Variants in KRT72 observed in about 807,000 individuals in gnomAD.
The protein encoded by KRT72 is keratin, type II cytoskeletal 72.
Under a neutral mutation model 44.7 loss-of-function variants are expected in KRT72, and 44 were observed. That is an observed-to-expected ratio of 0.98 (90% confidence interval 0.77 to 1.27). The LOEUF is 1.27. Among genes scored for constraint, KRT72 ranks in the 50% most tolerant of loss-of-function variants. The pLI is 0.00. For missense variants in KRT72, 736 were observed against 667.1 expected (o/e 1.10, Z -1.14); for synonymous variants, 302 against 280.4 (o/e 1.08, Z -0.77).
chr12:52,589,001 A>AATAT (rs71092771), intron 6 of KRT72, among the ~76,000 whole-genome samples: 4 of 149,172 alleles, frequency 2.7e-5, no homozygotes, highest in African/African-American at 7.4e-5. Flanking sequence ...ATCCATCTCA[A>AATAT]ATATATATAT....
chr12:52,593,688 GA>G (rs35814847), intron 2 of KRT72, among the ~76,000 whole-genome samples: 2 of 152,032 alleles, frequency 1.3e-5, no homozygotes, highest in Non-Finnish European at 2.9e-5. Context: ...GACTTAGAAA[GA>G]AAAAAAATTC....
At chr12:52,594,397 G>A (rs112724050) in intron 2 of KRT72, among the ~76,000 whole-genome samples, 108 of 151,426 alleles carry the variant, frequency 7.1e-4, no homozygotes, top group African/African-American at 2.3e-3. Flanking sequence ...AAGAAAATGC[G>A]GCACATCTAC....
chr12:52,586,638 C>T, intron 8 of KRT72, among the ~76,000 whole-genome samples: 1 of 152,196 alleles, frequency 6.6e-6, no homozygotes, highest in East Asian at 1.9e-4. Context: ...CCCTCAATTC[C>T]CCTTAACTGC....
At chr12:52,591,417 G>T (rs778450197) in intron 5 of KRT72, 47 bp downstream of exon 5, 3 of 1,586,858 alleles carry the variant, frequency 1.9e-6, no homozygotes, top group Admixed American at 1.7e-5. Context: ...TACTGAGAGG[G>T]TGCTAGCTGT....
At chr12:52,588,585 T>A in intron 6 of KRT72, among the ~76,000 whole-genome samples, 1 of 146,098 alleles carries the variant, frequency 6.8e-6, no homozygotes, top group African/African-American at 2.8e-5. Context: ...GGTTGATAGG[T>A]GATGGGTTGA....
chr12:52,592,067 G>A (rs1321662527), intron 4 of KRT72, among the ~76,000 whole-genome samples: 1 of 152,036 alleles, frequency 6.6e-6, no homozygotes, highest in East Asian at 1.9e-4. Flanking sequence ...CACTGAAATC[G>A]TCCTCTTTCT....
At chr12:52,593,622 T>G (rs1940133856) in intron 2 of KRT72, among the ~76,000 whole-genome samples, 1 of 152,180 alleles carries the variant, frequency 6.6e-6, no homozygotes. Context: ...TAAGAAATAA[T>G]TAATGCTAAA....
chr12:52,586,018 C>G lies in KRT72; in HGVS notation c.1500G>C (p.Ser500=). The change falls in exon 9 of 9, where the codon TCG becomes TCC. Residue 500 remains serine, a synonymous_variant. Transcript: ENST00000293745. ...SELKDPLAKT[S]GSSCATKKAS... is the part of the protein sequence containing the mutation. ...CCTTTTTGGTGGCACAGCTGCTCCC[C>G]GAGGTTTTGGCAAGGGGATCCTTGA... The G allele has an allele frequency of 6.2e-7, 1 of 1,613,966 alleles. No homozygotes were observed. Among genetic ancestry groups the G allele is most frequent in the Non-Finnish European group, 8.5e-7 (1 of 1,179,938 alleles).
intron 2 of KRT72, among the ~76,000 whole-genome samples, chr12:52,598,421 G>A (rs615235): frequency 0.8 from 121,341 of 152,232 alleles, 49,194 homozygotes; most frequent in African/African-American, 0.95. Flanking sequence ...ACTTGGAGGA[G>A]GACACAACCT....
Position 52,587,990 on chromosome 12 carries a change from A to T in KRT72, c.1090-139T>A, listed in dbSNP as rs1939848349. 84 of 787,096 alleles carry T rather than the reference A, an allele frequency of 1.1e-4. 1 individual carries two copies. The South Asian group carries it at 1.4e-3, about 13-fold the overall frequency. The allele number at this position is 787,096 out of a possible 1,614,324, so 48.8% of individuals were successfully genotyped here. A position where few individuals can be genotyped will look rare whatever the true frequency, so the allele number is the denominator to read the frequency against. On this transcript the variant is annotated intron_variant, in intron 6 of 8. Transcript: ENST00000293745. ...GGTTTATCCAACTTTGGCCATCCCT[A>T]GAGGTGAGTCTGTCCTTCCCCTAAC...
intron 2 of KRT72, among the ~76,000 whole-genome samples, chr12:52,593,158 C>G (rs1940113383): frequency 6.6e-6 from 1 of 152,212 alleles, no homozygotes; most frequent in African/African-American, 2.4e-5. Context: ...CCTGTGCATT[C>G]TGTCTTAAAA....
chr12:52,588,297 A>AAT (rs1487602910), intron 6 of KRT72, among the ~76,000 whole-genome samples: 3 of 152,378 alleles, frequency 2.0e-5, no homozygotes, highest in African/African-American at 7.2e-5. Flanking sequence ...CCTATTAATA[A>AAT]ATTGTCCTAT....
chr12:52,599,631 C>T (rs1415571832), intron 1 of KRT72, among the ~76,000 whole-genome samples: 1 of 152,202 alleles, frequency 6.6e-6, no homozygotes, highest in African/African-American at 2.4e-5. Flanking sequence ...CCCTCTGCCA[C>T]ACACCAGCAT....
chr12:52,591,014 C>A, intron 5 of KRT72, 53 bp from the exon 6 acceptor site: 1 of 1,497,112 alleles, frequency 6.7e-7, no homozygotes, highest in Non-Finnish European at 9.0e-7. Flanking sequence ...TGAACTAGGG[C>A]AGGTCCCTTT....
At chr12:52,588,543 A>G (rs1430412252) in intron 6 of KRT72, among the ~76,000 whole-genome samples, 2 of 152,224 alleles carry the variant, frequency 1.3e-5, no homozygotes, top group Admixed American at 6.5e-5. Flanking sequence ...AGCTAAAAAA[A>G]ATAGCTAATG....
chr12:52,601,319 C>T lies in KRT72; in HGVS notation c.134G>A (p.Gly45Asp), dbSNP rs1187638855. 4 of 1,546,574 alleles carry T rather than the reference C, an allele frequency of 2.6e-6. No homozygotes were observed. The African/African-American group carries it at 4.1e-5, about 16-fold the overall frequency. The change falls in exon 1 of 9, where the codon GGC becomes GAC. Residue 45 changes from glycine (G) to aspartate (D), a missense_variant. Transcript: ENST00000293745. ...RARVKGSASF[G>D]SKSLSCLGGS... ...CCCAAGGCAGGAGAGGCTCTTGCTG[C>T]CAAAGGAGGCCGAGCCCTTGACCCG...
chr12:52,587,004 G>A (rs1939783761), intron 7 of KRT72, 24 bp from the exon 8 acceptor site: 1 of 1,611,828 alleles, frequency 6.2e-7, no homozygotes, highest in Non-Finnish European at 8.5e-7. Flanking sequence ...AGAAAAACAG[G>A]TAAATCCCCC....
At chr12:52,602,151 A>T (rs77968731), upstream of KRT72, among the ~76,000 whole-genome samples, 57 of 152,342 alleles carry the variant, frequency 3.7e-4, no homozygotes, top group African/African-American at 1.3e-3. Flanking sequence ...TGGACTAAGA[A>T]TGGGGACCAT....
At chr12:52,592,995 C>T (rs751338586) in intron 2 of KRT72, 43 bp from the exon 3 acceptor site, 7 of 1,577,390 alleles carry the variant, frequency 4.4e-6, no homozygotes, top group African/African-American at 1.4e-5. Flanking sequence ...TCTGCAAACA[C>T]TCACTGAACA....
Sources: gnomAD v4.1 joint callset for allele counts (sites outside exome capture counted in the v4.1 genomes callset) on GRCh38, gnomAD v4.1.1 for gene constraint, MANE v1.5 for transcripts, NCBI Gene and HGNC (gene_info 2026-07-23, HGNC 2026-07-21) for gene names.